LINGO2: variants seen among roughly 807,000 people sequenced by gnomAD.
The protein encoded by LINGO2 is leucine-rich repeat and immunoglobulin-like domain-containing nogo receptor-interacting protein 2.
A neutral mutation model predicts 30.6 loss-of-function variants in LINGO2; 14 were observed. That is an observed-to-expected ratio of 0.46 (90% CI 0.30 to 0.72). The LOEUF (loss-of-function observed/expected upper bound fraction) is 0.72. Among genes scored for constraint, LINGO2 ranks in the 30% least tolerant of loss-of-function variants. LINGO2 has a pLI of 0.07. For missense variants in LINGO2, 729 were observed against 751.7 expected (o/e 0.97, Z 0.35); for synonymous variants, 317 against 288.5 (o/e 1.10, Z -1.00).
chr9:28,772,022 G>A, the LINGO2 span, among the ~76,000 whole-genome samples: 3 of 152,054 alleles, frequency 2.0e-5, no homozygotes, highest in African/African-American at 7.2e-5. Flanking sequence ...GAAATACCTA[G>A]CACAGTGCTC....
rs563492420 is a variant in LINGO2 at position 28,420,323 on chromosome 9, C to G, written c.-278-47455G>C. On this transcript the variant is annotated intron_variant, in intron 2 of 5. Coordinates refer to ENST00000379992, the Ensembl canonical transcript of LINGO2. Reference sequence around the variant, plus strand: ...TTTAGAAAGCAGCAGGTGACATTTTCTTATTGATAATTAGCAATGCCATTT... The same window carrying G: ...TTTAGAAAGCAGCAGGTGACATTTTGTTATTGATAATTAGCAATGCCATTT... 2.0e-5 allele frequency among the ~76,000 whole-genome samples: 3 copies of G among 152,176 alleles called. No homozygotes were observed. In the East Asian group the frequency reaches 5.8e-4, roughly 29 times the overall value.
intron 4 of LINGO2, among the ~76,000 whole-genome samples, chr9:28,294,108 TATC>T (rs1339390728): frequency 6.6e-6 from 1 of 152,242 alleles, no homozygotes; most frequent in African/African-American, 2.4e-5. Flanking sequence ...ACTCTCATGA[TATC>T]ATCTTATATG....
chr9:28,590,450 A>C (rs191260764), intron 1 of LINGO2, among the ~76,000 whole-genome samples: 9,270 of 152,086 alleles, frequency 0.061, 376 homozygotes, highest in African/African-American at 0.11. Flanking sequence ...AACTCAAACA[A>C]ATTTAAAAGA....
At chr9:28,427,845 A>G (rs1025734546) in intron 2 of LINGO2, among the ~76,000 whole-genome samples, 1 of 152,094 alleles carries the variant, frequency 6.6e-6, no homozygotes, top group Admixed American at 6.6e-5. Context: ...TGTAGGGGAA[A>G]GCTCCTAATA....
intron 2 of LINGO2, among the ~76,000 whole-genome samples, chr9:28,414,261 A>C (rs1472658166): frequency 6.6e-6 from 1 of 152,076 alleles, no homozygotes; most frequent in Non-Finnish European, 1.5e-5. Context: ...CAGTCCATGA[A>C]GTTGTCTATT....
Position 28,102,754 on chromosome 9 carries a change from AC to A in LINGO2, c.-86-90350del, listed in dbSNP as rs1416692202. ...TCACTAATAAGCATAAAAAATGTTC[AC>A]TAGCCTGTTTTCCAAGCCTTTATTC... On this transcript the variant is annotated intron_variant, in intron 4 of 5. Coordinates refer to ENST00000379992, the Ensembl canonical transcript of LINGO2. 1.4e-4 allele frequency among the ~76,000 whole-genome samples: 21 copies of A among 144,942 alleles called. No homozygotes were observed. In the South Asian group the frequency reaches 4.4e-3, roughly 30 times the overall value.
At chr9:28,920,852 G>T in the LINGO2 span, among the ~76,000 whole-genome samples, 2 of 152,052 alleles carry the variant, frequency 1.3e-5, no homozygotes, top group Non-Finnish European at 2.9e-5. Flanking sequence ...TTTGTTAGCA[G>T]GTCACTTAAT....
intron 1 of LINGO2, among the ~76,000 whole-genome samples, chr9:28,581,229 G>A (rs1002864662): frequency 6.6e-6 from 1 of 151,742 alleles, no homozygotes. Context: ...AACATTGTGT[G>A]CATTTGTGTG....
the LINGO2 span, among the ~76,000 whole-genome samples, chr9:29,063,471 A>G: frequency 6.7e-6 from 1 of 150,278 alleles, no homozygotes; most frequent in East Asian, 2.0e-4. Context: ...GGCGCAATCT[A>G]GGCTTACTGC....
At chr9:28,618,769 A>C (rs1420282268) in intron 1 of LINGO2, among the ~76,000 whole-genome samples, 1 of 152,172 alleles carries the variant, frequency 6.6e-6, no homozygotes, top group Non-Finnish European at 1.5e-5. Context: ...AGTTACTAAA[A>C]TAATATAAAC....
intron 1 of LINGO2, among the ~76,000 whole-genome samples, chr9:28,628,649 T>C (rs929146168): frequency 2.0e-5 from 3 of 152,132 alleles, no homozygotes; most frequent in Admixed American, 6.6e-5. Flanking sequence ...TGATAACAAA[T>C]GGATGTGTCA....
At chr9:28,018,330 A>T (rs2119332434) in intron 4 of LINGO2, among the ~76,000 whole-genome samples, 2 of 152,308 alleles carry the variant, frequency 1.3e-5, no homozygotes, top group Middle Eastern at 6.8e-3. Flanking sequence ...GCCAAAAGCA[A>T]TTCCAACAAC....
chr9:29,048,854 C>A, the LINGO2 span, among the ~76,000 whole-genome samples: 1 of 152,054 alleles, frequency 6.6e-6, no homozygotes, highest in Admixed American at 6.6e-5. Flanking sequence ...CTTCAAACTA[C>A]AAAACTACTA....
At chr9:28,177,282 T>C (rs1240706400) in intron 4 of LINGO2, among the ~76,000 whole-genome samples, 1 of 152,200 alleles carries the variant, frequency 6.6e-6, no homozygotes, top group East Asian at 1.9e-4. Context: ...ATAACTAGCT[T>C]GTCCAACAGG....
At chr9:28,515,173 T>G (rs1820568722) in intron 1 of LINGO2, among the ~76,000 whole-genome samples, 1 of 151,980 alleles carries the variant, frequency 6.6e-6, no homozygotes, top group Non-Finnish European at 1.5e-5. Context: ...GGAGTAGTTT[T>G]GACTTTCAAG....
At chr9:28,393,300 A>C (rs2225506) in intron 2 of LINGO2, among the ~76,000 whole-genome samples, 52,214 of 152,118 alleles carry the variant, frequency 0.34, 9,572 homozygotes, top group Middle Eastern at 0.43. Flanking sequence ...TATATTTAGT[A>C]AGCACACTTT....
chr9:28,150,265 C>T (rs569277621), intron 4 of LINGO2, among the ~76,000 whole-genome samples: 112 of 152,294 alleles, frequency 7.4e-4, no homozygotes, highest in Admixed American at 5.6e-3. Context: ...CATCTCTGCC[C>T]GGCTGCTGTG....
At chr9:28,170,405 G>T (rs148990900) in intron 4 of LINGO2, among the ~76,000 whole-genome samples, 3 of 152,140 alleles carry the variant, frequency 2.0e-5, no homozygotes, top group Non-Finnish European at 4.4e-5. Flanking sequence ...TATTTCAGTG[G>T]CAGGAAAACA....
At chr9:28,249,313 T>C (rs759729118) in intron 4 of LINGO2, among the ~76,000 whole-genome samples, 23 of 152,124 alleles carry the variant, frequency 1.5e-4, no homozygotes, top group Non-Finnish European at 2.9e-4. Flanking sequence ...ATTTTTATGC[T>C]GAAAAGAAGT....
Sources: allele counts gnomAD v4.1 joint callset (sites outside exome capture counted in the v4.1 genomes callset), GRCh38; gene constraint gnomAD v4.1.1; transcripts MANE v1.5; gene names NCBI Gene and HGNC (gene_info 2026-07-23, HGNC 2026-07-21).